The following TES variants were observed in gnomAD, a reference collection of about 807,000 sequenced individuals.
TES encodes the protein testin LIM domain protein, also known as testin.
Under a neutral mutation model 48.2 loss-of-function variants are expected in TES, and 41 were observed. The ratio of observed to expected loss-of-function variants is 0.85; its 90% CI spans 0.66 to 1.10. The LOEUF is 1.10. Ranked by LOEUF, TES falls within the 50% of genes least tolerant of loss-of-function variation. The probability of loss-of-function intolerance (pLI) is 0.00; values close to 1 mark genes in which losing one functional copy is unlikely to be tolerated. For synonymous variants in TES, 162 were observed against 174.9 expected (o/e 0.93, Z 0.58); for missense variants, 463 against 515.1 (o/e 0.90, Z 0.98).
intron 1 of TES, among the ~76,000 whole-genome samples, chr7:116,217,592 GA>G (rs1799508292): frequency 1.3e-5 from 2 of 152,038 alleles, no homozygotes; most frequent in Non-Finnish European, 2.9e-5. Context: ...TATTAATTAT[GA>G]AATCAACTTT....
chr7:116,248,557 C>T (rs1799959068), intron 2 of TES, among the ~76,000 whole-genome samples: 1 of 152,114 alleles, frequency 6.6e-6, no homozygotes, highest in Admixed American at 6.6e-5. Context: ...AGCATGTTTT[C>T]ATATATTTTT....
At chr7:116,234,382 G>A in intron 1 of TES, 152 bp from the exon 2 acceptor site, 1 of 638,462 alleles carries the variant, frequency 1.6e-6, no homozygotes, top group South Asian at 1.9e-5. Flanking sequence ...GAACTGCCAT[G>A]TACATACCTG....
intron 3 of TES, 158 bp from the exon 4 acceptor site, chr7:116,250,003 G>A (rs536208021): frequency 1.3e-5 from 6 of 447,724 alleles, no homozygotes; most frequent in East Asian, 3.5e-5. Flanking sequence ...TTAGTGTACC[G>A]TTTTTGAGTT....
At chr7:116,238,211 A>C (rs1349910375) in intron 2 of TES, 1 of 152,220 alleles carries the variant, frequency 6.6e-6, no homozygotes, top group Non-Finnish European at 1.5e-5. Context: ...GGGATCCCAC[A>C]GGTGTAGTCC....
At chr7:116,236,028 A>C (rs1412136874) in intron 2 of TES, among the ~76,000 whole-genome samples, 1 of 152,130 alleles carries the variant, frequency 6.6e-6, no homozygotes, top group Non-Finnish European at 1.5e-5. Context: ...TTTTTTTTAC[A>C]AGACTTAAGC....
At chr7:116,239,590 AT>A (rs1489708289) in intron 2 of TES, among the ~76,000 whole-genome samples, 1 of 152,158 alleles carries the variant, frequency 6.6e-6, no homozygotes, top group Non-Finnish European at 1.5e-5. Flanking sequence ...TAGAATGCAC[AT>A]TTTTCACTCT....
intron 4 of TES, 35 bp downstream of exon 4, chr7:116,250,531 T>TAC: frequency 7.1e-7 from 1 of 1,411,118 alleles, no homozygotes; most frequent in Non-Finnish European, 9.3e-7. Context: ...GCCTGATTTG[T>TAC]ATACTTTACA....
intron 1 of TES, among the ~76,000 whole-genome samples, chr7:116,228,472 G>A (rs1799652564): frequency 6.6e-6 from 1 of 152,190 alleles, no homozygotes; most frequent in Non-Finnish European, 1.5e-5. Context: ...ACAGCTTTGA[G>A]ACTTGTGCGC....
chr7:116,253,108 G>A, intron 6 of TES, among the ~76,000 whole-genome samples: 1 of 152,158 alleles, frequency 6.6e-6, no homozygotes, highest in Middle Eastern at 3.2e-3. Context: ...GACCATAGAT[G>A]GTAAAGTGTA....
intron 2 of TES, among the ~76,000 whole-genome samples, chr7:116,247,160 G>A (rs760111491): frequency 2.6e-5 from 4 of 151,158 alleles, no homozygotes; most frequent in African/African-American, 4.9e-5. Flanking sequence ...AATAAGGGAA[G>A]GAAAGAGAAA....
chr7:116,210,865 G>A, intron 1 of TES, 131 bp downstream of exon 1: 2 of 818,220 alleles, frequency 2.4e-6, no homozygotes, highest in Non-Finnish European at 3.3e-6. Context: ...GGTCTGCGGT[G>A]CCCCGGGCCC....
intron 2 of TES, among the ~76,000 whole-genome samples, chr7:116,237,745 G>A (rs375699011): frequency 6.6e-5 from 10 of 152,282 alleles, no homozygotes; most frequent in African/African-American, 2.4e-4. Flanking sequence ...TCGAGATCAG[G>A]TGCCAACATG....
At chr7:116,246,105 CT>C (rs1799920284) in intron 2 of TES, among the ~76,000 whole-genome samples, 2 of 152,126 alleles carry the variant, frequency 1.3e-5, no homozygotes, top group Admixed American at 6.5e-5. Context: ...TGAGCCTTCC[CT>C]TTGCCATCAC....
chr7:116,229,033 T>TATATATATATATATAA lies in TES; in HGVS notation c.28-5500_28-5499insTATATATATATATAAA, dbSNP rs1417517023. Among the ~76,000 whole-genome samples the TATATATATATATATAA allele has an allele frequency of 1.4e-3, 164 of 115,278 alleles. 2 individuals carry two copies. Among genetic ancestry groups the TATATATATATATATAA allele is most frequent in the African/African-American group, 3.8e-3 (111 of 29,424 alleles). The allele number at this position is 115,278 out of a possible 152,430, so 75.6% of individuals were successfully genotyped here. A position where few individuals can be genotyped will look rare whatever the true frequency, so the allele number is the denominator to read the frequency against. On this transcript the variant is annotated intron_variant, in intron 1 of 6. Transcript: ENST00000358204. ...ATATATATATATATATATATATATA[T>TATATATATATATATAA]AATCATTTCCTTAATATTTGGTAAT... is the stretch of plus-strand genomic sequence containing the variant.
chr7:116,228,127 T>A (rs928027387), intron 1 of TES, among the ~76,000 whole-genome samples: 4 of 151,588 alleles, frequency 2.6e-5, no homozygotes, highest in African/African-American at 4.8e-5. Context: ...TATGGATACA[T>A]TGATTCCATT....
chr7:116,214,157 A>G (rs1284554168), intron 1 of TES, among the ~76,000 whole-genome samples: 6 of 151,818 alleles, frequency 4.0e-5, no homozygotes, highest in Admixed American at 3.9e-4. Context: ...TATTTCTTTA[A>G]TTTTACTTTT....
chr7:116,257,242 T>C (rs1800113150), intron 6 of TES, 52 bp from the exon 7 acceptor site: 3 of 1,482,738 alleles, frequency 2.0e-6, no homozygotes, highest in Non-Finnish European at 2.7e-6. Context: ...ATGAAAATGT[T>C]ACCATTACAG....
chr7:116,215,193 C>G (rs988257226), intron 1 of TES, among the ~76,000 whole-genome samples: 4 of 152,144 alleles, frequency 2.6e-5, no homozygotes, highest in African/African-American at 9.7e-5. Context: ...GAACTTGAAC[C>G]ATAATTTGAA....
At position 116,238,615 on chromosome 7, in the gene TES, T is replaced by C. The variant is rs183224997; in HGVS notation, c.113+3996T>C. Among the ~76,000 whole-genome samples the C allele has an allele frequency of 5.1e-3, 751 of 148,254 alleles. 1 individual carries two copies. The highest frequency in any genetic ancestry group is 8.8e-3 in the Non-Finnish European group (598 of 67,638). On this transcript the variant is annotated intron_variant, in intron 2 of 6. Coordinates refer to ENST00000358204, the MANE Select transcript of TES (RefSeq NM_015641.4). The stretch of plus-strand genomic sequence containing the variant: ...TTATTATTATTATTATTATTATTAT[T>C]TTTGAGATGGGGTTTCACCCTTGTT...
Sources: gnomAD v4.1 joint callset for allele counts (sites outside exome capture counted in the v4.1 genomes callset) on GRCh38, gnomAD v4.1.1 for gene constraint, MANE v1.5 for transcripts, NCBI Gene and HGNC (gene_info 2026-07-23, HGNC 2026-07-21) for gene names.